NDRG3: variants seen among roughly 807,000 people sequenced by gnomAD.
The protein encoded by NDRG3 is NDRG family member 3.
NDRG3 carries 23 observed loss-of-function variants against 57.2 expected under a neutral mutation model. The ratio of observed to expected loss-of-function variants is 0.40; its 90% CI spans 0.29 to 0.57. NDRG3 has a LOEUF of 0.57. Among genes scored for constraint, NDRG3 ranks in the 20% least tolerant of loss-of-function variants. The pLI is 0.42. For synonymous variants in NDRG3, 132 were observed against 162.6 expected, an observed-to-expected ratio of 0.81 and a Z score of 1.43; for missense variants, 384 against 457.3, an observed-to-expected ratio of 0.84 and a Z score of 1.46.
At chr20:36,672,407 G>C (rs994480146) in intron 8 of NDRG3, among the ~76,000 whole-genome samples, 4 of 152,196 alleles carry the variant, frequency 2.6e-5, no homozygotes, top group Admixed American at 1.3e-4. Context: ...GGTAAGAATG[G>C]AGAAGAGGCA....
chr20:36,682,418 C>A, intron 7 of NDRG3, 100 bp downstream of exon 7: 1 of 922,394 alleles, frequency 1.1e-6, no homozygotes, highest in Non-Finnish European at 1.7e-6. Flanking sequence ...GAAAAACTGA[C>A]ATAAGGCCCA....
At chr20:36,739,925 A>C (rs1194803594) in intron 1 of NDRG3, among the ~76,000 whole-genome samples, 1 of 151,300 alleles carries the variant, frequency 6.6e-6, no homozygotes, top group Non-Finnish European at 1.5e-5. Flanking sequence ...AAAAAAAAAA[A>C]AAAAAAACCG....
In NDRG3 at chr20:36,706,986, C is replaced by T; in HGVS notation, c.79G>A (p.Asp27Asn). 2 of 1,613,660 alleles carry T rather than the reference C, an allele frequency of 1.2e-6. No individual in the cohort carries two copies. The highest frequency in any genetic ancestry group is 1.7e-4 in the Middle Eastern group (1 of 6,056). The change falls in exon 3 of 16, where the codon GAC (aspartate) becomes AAC (asparagine). Residue 27 changes from aspartate (D) to asparagine (N), a missense_variant. Coordinates refer to ENST00000349004, the MANE Select transcript of NDRG3 (RefSeq NM_032013.4). ...NDKNGTRNFQ[D>N]FDCQEHDIET... is the part of the protein sequence containing the mutation. ...ACAGTCCTTACCTGACAGTCAAAGTCCTGGAAGTTTCTTGTACCATTCTGT... is the reference window on the plus strand; with the variant it reads ...ACAGTCCTTACCTGACAGTCAAAGTTCTGGAAGTTTCTTGTACCATTCTGT...
intron 3 of NDRG3, among the ~76,000 whole-genome samples, chr20:36,697,374 T>A (rs1020603080): frequency 3.3e-5 from 5 of 152,028 alleles, no homozygotes; most frequent in East Asian, 1.9e-4. Flanking sequence ...TGTGGCAGGT[T>A]TTTTCCCCCC....
At chr20:36,662,269 C>T (rs1979271436) in intron 12 of NDRG3, among the ~76,000 whole-genome samples, 2 of 150,700 alleles carry the variant, frequency 1.3e-5, no homozygotes, top group African/African-American at 4.9e-5. Flanking sequence ...GTTCTGTCTC[C>T]CAGGCTGGGG....
At chr20:36,669,703 C>T (rs190759012) in intron 9 of NDRG3, among the ~76,000 whole-genome samples, 6 of 151,522 alleles carry the variant, frequency 4.0e-5, no homozygotes, top group Non-Finnish European at 7.4e-5. Context: ...CCCACTATGG[C>T]GGACCTGCCT....
chr20:36,682,583 G>A lies in NDRG3; in HGVS notation c.384-5C>T, dbSNP rs374019736. The A allele has an allele frequency of 1.9e-5, 30 of 1,613,352 alleles. No individual in the cohort carries two copies. Among genetic ancestry groups the A allele is most frequent in the Middle Eastern group, 1.6e-4 (1 of 6,082 alleles). ...ATTCCAATGATGCTTTTCAGGCTGT[G>A]AATGGGACATAACGACAACTGACAG... On this transcript the variant is annotated splice_region_variant and splice_polypyrimidine_tract_variant and intron_variant, in intron 6 of 15. Coordinates refer to ENST00000349004, the MANE Select transcript of NDRG3 (RefSeq NM_032013.4).
At chr20:36,700,558 G>T in intron 3 of NDRG3, 1 of 517,342 alleles carries the variant, frequency 1.9e-6, no homozygotes, top group Non-Finnish European at 3.9e-6. Context: ...TCAGGCCACT[G>T]CAGGGAGTAA....
At chr20:36,668,937 T>C (rs1055201904) in intron 9 of NDRG3, among the ~76,000 whole-genome samples, 1 of 151,972 alleles carries the variant, frequency 6.6e-6, no homozygotes, top group African/African-American at 2.4e-5. Flanking sequence ...TATGAAGTAG[T>C]ATTTCTTTTT....
intron 15 of NDRG3, among the ~76,000 whole-genome samples, chr20:36,654,123 G>A (rs183118909): frequency 2.6e-5 from 4 of 152,302 alleles, no homozygotes; most frequent in South Asian, 2.1e-4. Context: ...GTGCAAGCCC[G>A]ATACAACGAG....
intron 5 of NDRG3, 103 bp downstream of exon 5, chr20:36,687,389 C>A (rs574538598): frequency 3.6e-5 from 50 of 1,397,720 alleles, no homozygotes; most frequent in Non-Finnish European, 4.8e-5. Context: ...AACCTATAGA[C>A]GGTAATAAAA....
intron 13 of NDRG3, among the ~76,000 whole-genome samples, chr20:36,657,213 G>A (rs769909600): frequency 2.0e-5 from 3 of 152,090 alleles, no homozygotes; most frequent in South Asian, 2.1e-4. Context: ...CTGGCCGCGC[G>A]CAGTGGCTCA....
intron 3 of NDRG3, among the ~76,000 whole-genome samples, chr20:36,702,752 G>C (rs1475701687): frequency 6.6e-6 from 1 of 151,050 alleles, no homozygotes; most frequent in African/African-American, 2.4e-5. Context: ...GCAATGGTGC[G>C]ATCTCGGCTC....
At chr20:36,733,171 A>AAATAAATATATAT (rs1555807709) in intron 1 of NDRG3, among the ~76,000 whole-genome samples, 1 of 33,244 alleles carries the variant, frequency 3.0e-5, no homozygotes, top group Non-Finnish European at 5.5e-5. Flanking sequence ...AAAAAAAAAA[A>AAATAAATATATAT]ATATATATAT....
chr20:36,718,464 T>C (rs1257323908), intron 2 of NDRG3, among the ~76,000 whole-genome samples: 11 of 152,200 alleles, frequency 7.2e-5, no homozygotes, highest in Non-Finnish European at 1.5e-4. Flanking sequence ...CTTTGTGTCT[T>C]AGTCTACTCG....
chr20:36,723,085 C>G (rs771455262), intron 1 of NDRG3, among the ~76,000 whole-genome samples: 4 of 152,158 alleles, frequency 2.6e-5, no homozygotes, highest in Non-Finnish European at 4.4e-5. Context: ...AGCTACAGCC[C>G]CAGGGACACC....
chr20:36,725,146 A>C (rs1024175886), intron 1 of NDRG3, among the ~76,000 whole-genome samples: 6 of 151,614 alleles, frequency 4.0e-5, no homozygotes, highest in Admixed American at 1.3e-4. Flanking sequence ...AAATAAAAAA[A>C]ATTAGACAGG....
At chr20:36,684,348 G>T in intron 6 of NDRG3, 65 bp downstream of exon 6, 2 of 1,333,258 alleles carry the variant, frequency 1.5e-6, no homozygotes, top group Non-Finnish European at 2.2e-6. Flanking sequence ...CTCTGAAACA[G>T]ACACTAAATA....
Position 36,679,354 on chromosome 20 carries a change from C to G in NDRG3, c.531+1462G>C, listed in dbSNP as rs570095668. ...AGCAATTTCACTCCTAGGTATAAAC[C>G]CAAGAGAAATAAATGTGTATGTCTA... On this transcript the variant is annotated intron_variant, in intron 8 of 15. Transcript: ENST00000349004. Among the ~76,000 whole-genome samples the G allele has an allele frequency of 5.8e-4, 88 of 152,140 alleles. No homozygotes were observed. The South Asian group carries it at 0.018, about 31-fold the overall frequency.
Sources: gnomAD v4.1 joint callset for allele counts (sites outside exome capture counted in the v4.1 genomes callset) on GRCh38, gnomAD v4.1.1 for gene constraint, MANE v1.5 for transcripts, NCBI Gene and HGNC (gene_info 2026-07-23, HGNC 2026-07-21) for gene names.